The following STOX2 variants were observed in gnomAD, a reference collection of about 807,000 sequenced individuals.
STOX2 encodes the protein storkhead box 2.
A neutral mutation model predicts 60.9 loss-of-function variants in STOX2; 28 were observed. That is an observed-to-expected ratio of 0.46 (90% confidence interval 0.34 to 0.63). The LOEUF (loss-of-function observed/expected upper bound fraction) is 0.63, where lower values mean the gene tolerates loss of function less well. Ranked by LOEUF, STOX2 falls within the 30% of genes least tolerant of loss-of-function variation. The pLI is 0.01. For synonymous variants in STOX2, 472 were observed against 463.9 expected (o/e 1.02, Z -0.22); for missense variants, 1,024 against 1,187.7 (o/e 0.86, Z 2.03).
chr4:183,970,139 C>CGTGTGTGTGTGTGTGTGTGT (rs3042606), intron 1 of STOX2, among the ~76,000 whole-genome samples: 2 of 126,984 alleles, frequency 1.6e-5, no homozygotes, highest in Admixed American at 7.8e-5. Flanking sequence ...ACTACATGTA[C>CGTGTGTGTGTGTGTGTGTGT]GTGTGTGTGT....
Position 183,834,419 on chromosome 4 carries a change from T to C in STOX2, c.364+36364T>C, listed in dbSNP as rs556937545. Among the ~76,000 whole-genome samples, 7 of 152,164 alleles carry C rather than the reference T, an allele frequency of 4.6e-5. No individual in the cohort carries two copies. In the East Asian group the frequency reaches 7.8e-4, roughly 17 times the overall value. On this transcript the variant is annotated intron_variant, in intron 1 of 2. Transcript: ENST00000513034. ...GATCTGCTGGCAACCTGGCAATCTT[T>C]GTTGTGAGAGGTTAACACAATTCCT...
At chr4:183,854,824 C>T (rs1740247540) in intron 1 of STOX2, among the ~76,000 whole-genome samples, 1 of 152,160 alleles carries the variant, frequency 6.6e-6, no homozygotes, top group Non-Finnish European at 1.5e-5. Context: ...TTCTATCCAA[C>T]ACATATGGAA....
chr4:183,924,842 G>A (rs1742196459), intron 1 of STOX2, among the ~76,000 whole-genome samples: 1 of 152,078 alleles, frequency 6.6e-6, no homozygotes, highest in African/African-American at 2.4e-5. Context: ...AGAGGTCATG[G>A]GCAAGATACC....
At chr4:183,807,621 C>A (rs969399872) in intron 1 of STOX2, among the ~76,000 whole-genome samples, 17 of 152,174 alleles carry the variant, frequency 1.1e-4, no homozygotes, top group Non-Finnish European at 2.4e-4. Flanking sequence ...CCACACCCAC[C>A]CCACTCCCAG....
intron 1 of STOX2, among the ~76,000 whole-genome samples, chr4:183,829,005 G>A (rs6839717): frequency 0.051 from 7,720 of 152,262 alleles, 651 homozygotes; most frequent in African/African-American, 0.18. Flanking sequence ...TGGCTTGGGT[G>A]CCAACCGGGA....
chr4:183,925,297 A>G (rs889904044), intron 1 of STOX2, among the ~76,000 whole-genome samples: 2 of 152,230 alleles, frequency 1.3e-5, no homozygotes, highest in East Asian at 1.9e-4. Context: ...CCAAATTGAA[A>G]GAGGTACAAC....
chr4:184,000,146 C>T (rs12498735), intron 1 of STOX2, among the ~76,000 whole-genome samples: 60,729 of 151,856 alleles, frequency 0.4, 13,179 homozygotes, highest in East Asian at 0.58. Flanking sequence ...GTGTCAGGAG[C>T]GAACTTTCCT....
At chr4:183,809,542 G>A (rs145395773) in intron 1 of STOX2, among the ~76,000 whole-genome samples, 30 of 152,248 alleles carry the variant, frequency 2.0e-4, no homozygotes, top group African/African-American at 6.7e-4. Flanking sequence ...GGGATTCCAG[G>A]CACGTGCCAT....
intron 1 of STOX2, among the ~76,000 whole-genome samples, chr4:183,854,252 A>G (rs1740234180): frequency 6.6e-6 from 1 of 152,230 alleles, no homozygotes; most frequent in African/African-American, 2.4e-5. Context: ...CTTTTCTATT[A>G]TTCTTGAGAA....
At chr4:183,944,927 C>G (rs1380830323) in intron 1 of STOX2, among the ~76,000 whole-genome samples, 1 of 152,172 alleles carries the variant, frequency 6.6e-6, no homozygotes, top group Non-Finnish European at 1.5e-5. Flanking sequence ...AAAAAAGACA[C>G]AGCTTACAGA....
chr4:183,916,316 T>C (rs1741930338), intron 1 of STOX2, among the ~76,000 whole-genome samples: 1 of 152,218 alleles, frequency 6.6e-6, no homozygotes, highest in South Asian at 2.1e-4. Flanking sequence ...CAGTGTATTT[T>C]ACTCTATCCT....
Position 184,011,612 on chromosome 4 carries a change from T to G in STOX2, c.2585+189T>G. The stretch of plus-strand genomic sequence containing the variant: ...GAATTGAAAAAAATGTTTCTGCACC[T>G]GTAGAGATCACCAATCTGGACTGGT... On this transcript the variant is annotated intron_variant, in intron 3 of 3. Transcript: ENST00000308497. The surrounding 1 kb of genome is among the most constrained non-coding windows in gnomAD (Gnocchi z 4.4). 6.6e-7 allele frequency: 1 copy of G among 1,524,224 alleles called. No individual in the cohort carries two copies. The highest frequency in any genetic ancestry group is 8.8e-7 in the Non-Finnish European group (1 of 1,140,002). 94.4% of individuals were successfully genotyped at this position (1,524,224 alleles called of 1,614,324 possible).
intron 1 of STOX2, among the ~76,000 whole-genome samples, chr4:183,874,073 C>T (rs926796726): frequency 1.4e-4 from 21 of 152,124 alleles, no homozygotes; most frequent in Admixed American, 3.3e-4. Flanking sequence ...AAGTGGCGAG[C>T]GGACAATCAT....
At chr4:183,886,448 C>T (rs184942693) in intron 1 of STOX2, among the ~76,000 whole-genome samples, 56 of 152,274 alleles carry the variant, frequency 3.7e-4, no homozygotes, top group South Asian at 1.0e-3. Flanking sequence ...CTGGATTTTT[C>T]AGTAATACAG....
chr4:183,819,520 C>CAGAGGGAGACCGTGGAAAGAGAGGG (rs1172677345), intron 1 of STOX2, among the ~76,000 whole-genome samples: 6 of 142,244 alleles, frequency 4.2e-5, no homozygotes, highest in African/African-American at 1.6e-4. Flanking sequence ...GGCTGGGCAT[C>CAGAGGGAGACCGTGGAAAGAGAGGG]AGAGGGAGAC....
intron 1 of STOX2, among the ~76,000 whole-genome samples, chr4:183,981,383 T>G (rs910519928): frequency 6.6e-6 from 1 of 151,818 alleles, no homozygotes; most frequent in Non-Finnish European, 1.5e-5. Context: ...TCTGTGGGCC[T>G]CCATCATTAT....
In STOX2 at chr4:183,913,535, G is replaced by T. The variant is rs190123387; in HGVS notation, c.166+6579G>T. Among the ~76,000 whole-genome samples, 226 of 152,276 alleles carry T rather than the reference G, an allele frequency of 1.5e-3. 1 individual carries two copies. The highest frequency in any genetic ancestry group is 5.1e-3 in the African/African-American group (213 of 41,554). Reference sequence around the variant, plus strand: ...CGCCTATAATCCCAGCACTTTGGGAGGGCGAGGCGGGCAGATTACAGAGCC... The same window carrying T: ...CGCCTATAATCCCAGCACTTTGGGATGGCGAGGCGGGCAGATTACAGAGCC... On this transcript the variant is annotated intron_variant, in intron 1 of 3. Transcript: ENST00000308497.
Position 184,010,095 on chromosome 4 carries a change from T to A in STOX2, c.1257T>A (p.Asp419Glu). The change falls in exon 3 of 4, where the codon GAT (aspartate) becomes GAA (glutamate). Residue 419 changes from aspartate to glutamate, a missense_variant. Asp to Glu is a conservative substitution (Grantham distance 45). Around this residue, in one of 3 missense-constraint regions of STOX2, gnomAD observed 922 missense variants for 1,058.3 expected, o/e 0.87. Transcript: ENST00000308497. This position sits in a 1 kb window ranked among gnomAD's most constrained non-coding sequence, Gnocchi z 4.5. Reference sequence around the variant, plus strand: ...GCTTCATCATTGAACACAAAGGAGATAACTTCATCATGCACAGCAACACAA... The same window carrying A: ...GCTTCATCATTGAACACAAAGGAGAAAACTTCATCATGCACAGCAACACAA... The part of the protein sequence containing the change: ...EGCFIIEHKG[D>E]NFIMHSNTNV... The A allele has an allele frequency of 6.2e-7, 1 of 1,604,606 alleles. No homozygotes were observed. The highest frequency in any genetic ancestry group is 8.5e-7 in the Non-Finnish European group (1 of 1,175,352).
chr4:183,842,467 T>C (rs1009473015), intron 1 of STOX2, among the ~76,000 whole-genome samples: 11 of 152,180 alleles, frequency 7.2e-5, no homozygotes, highest in Admixed American at 7.2e-4. Context: ...CTGTTTGTAG[T>C]TTCTTTAGTT....
Sources: allele counts gnomAD v4.1 joint callset (sites outside exome capture counted in the v4.1 genomes callset), GRCh38; gene constraint gnomAD v4.1.1; regional missense constraint gnomAD v4.1.1; non-coding constraint Gnocchi (gnomAD v3.1); transcripts MANE v1.5; gene names NCBI Gene and HGNC (gene_info 2026-07-23, HGNC 2026-07-21).